COL7A1: variants seen among roughly 807,000 people sequenced by gnomAD.
The protein encoded by COL7A1 is collagen alpha-1(VII) chain.
COL7A1 carries 296 observed loss-of-function variants against 456.2 expected under a neutral mutation model. The observed-to-expected ratio is 0.65, with a 90% CI of 0.59 to 0.71. COL7A1 has a LOEUF of 0.71. Among genes scored for constraint, COL7A1 ranks in the 30% least tolerant of loss-of-function variants. The probability of loss-of-function intolerance (pLI) is 0.00; values close to 1 mark genes in which losing one functional copy is unlikely to be tolerated. For synonymous variants in COL7A1, 1,464 were observed against 1,525.9 expected (o/e 0.96, Z 0.95); for missense variants, 3,441 against 4,017.2 (o/e 0.86, Z 3.88).
Position 48,576,557 on chromosome 3 carries a change from C to G in COL7A1, c.5701G>C (p.Gly1901Arg), listed in dbSNP as rs762189891. 3 of 1,609,258 alleles carry G rather than the reference C, an allele frequency of 1.9e-6. No individual in the cohort carries two copies. Among genetic ancestry groups the G allele is most frequent in the Non-Finnish European group, 2.5e-6 (3 of 1,178,288 alleles). Residue 1901 changes from glycine (G) to arginine (R), a missense_variant and splice_region_variant, in exon 69 of 119, where the codon GGT (glycine) becomes CGT (arginine). By Grantham distance (125) the Gly-to-Arg change is moderately radical. This residue lies in a region of COL7A1 where 2,084 missense variants were observed against 2,501.3 expected (regional missense o/e 0.83). Transcript: ENST00000681320. ...GTGCCTCCTGGGACACCAGGAAAAC[C>G]CTGAGATACGGCAGAACACAAAGGG... The part of the protein sequence containing the change: ...LPGPVGPPGQ[G>R]FPGVPGGTGP...
rs2044747234 is a variant in COL7A1, at chr3:48,581,396, A to T, written c.4818+52T>A. 10 of 1,613,798 alleles carry T rather than the reference A, an allele frequency of 6.2e-6. No individual in the cohort carries two copies. The Admixed American group carries it at 1.7e-4, about 27-fold the overall frequency. Reference sequence around the variant, plus strand: ...GGACGCTCGAAGCAAGCAGTTCTCAAGGGGAGGGGACCCCAGAAGCCTTGA... The same window carrying T: ...GGACGCTCGAAGCAAGCAGTTCTCATGGGGAGGGGACCCCAGAAGCCTTGA... On this transcript the variant is annotated intron_variant, in intron 51 of 118. Transcript: ENST00000681320. This position sits in a 1 kb window ranked among gnomAD's most constrained non-coding sequence, Gnocchi z 5.8.
Position 48,579,159 on chromosome 3 carries a change from G to A in COL7A1, c.5388+38C>T. The A allele has an allele frequency of 6.2e-7, 1 of 1,608,380 alleles. No homozygotes were observed. The highest frequency in any genetic ancestry group is 8.5e-7 in the Non-Finnish European group (1 of 1,176,832). On this transcript the variant is annotated intron_variant, in intron 62 of 118. Transcript: ENST00000681320. The surrounding 1 kb of genome is among the most constrained non-coding windows in gnomAD (Gnocchi z 4.4). ...TCTAGGGTCCTCATGTGAAGGGGTA[G>A]GGGAAGGGGACAACCAGGCAGGACT...
chr3:48,575,719 G>C lies in COL7A1; in HGVS notation c.5886C>G (p.Thr1962=), dbSNP rs1311094195. The C allele has an allele frequency of 6.2e-7, 1 of 1,613,786 alleles. No individual in the cohort carries two copies. Among genetic ancestry groups the C allele is most frequent in the African/African-American group, 1.3e-5 (1 of 74,928 alleles). The change falls in exon 73 of 119, where the codon ACC becomes ACG. Residue 1962 remains threonine, a synonymous_variant. Coordinates refer to ENST00000681320, the MANE Select transcript of COL7A1 (RefSeq NM_000094.4). This position sits in a 1 kb window ranked among gnomAD's most constrained non-coding sequence, Gnocchi z 6.3. ...GGAAGCTACCAGAGCTCTCATCCCA[G>C]GTCTCCACGATCTCCCGCAGGGCAG... The part of the protein sequence containing the change: ...KASALREIVE[T]WDESSGSFLP...
rs2043885397 is a variant in COL7A1, at chr3:48,571,056, G to A, written c.7164+45C>T. The A allele has an allele frequency of 6.2e-7, 1 of 1,612,086 alleles. No homozygotes were observed. The highest frequency in any genetic ancestry group is 8.5e-7 in the Non-Finnish European group (1 of 1,178,508). On this transcript the variant is annotated intron_variant, in intron 94 of 118. Transcript: ENST00000681320. This position sits in a 1 kb window ranked among gnomAD's most constrained non-coding sequence, Gnocchi z 4.6. The stretch of plus-strand genomic sequence containing the variant: ...AGAACTCCCTCTTCCTCCTGTGGGG[G>A]CCCGGCCTGCTGCCCCTACAACTGG...
rs2045520160 is a variant in COL7A1 at position 48,589,265 on chromosome 3, A to C, written c.2314+62T>G. Reference sequence around the variant, plus strand: ...GGGTGGAGGCAGCTGGGCAATCAGGAACACACAGCAGGGCAGGGTAGCTAA... The same window carrying C: ...GGGTGGAGGCAGCTGGGCAATCAGGCACACACAGCAGGGCAGGGTAGCTAA... On this transcript the variant is annotated intron_variant, in intron 18 of 118. Transcript: ENST00000681320. The C allele has an allele frequency of 1.2e-5, 19 of 1,608,362 alleles. No individual in the cohort carries two copies. In the South Asian group the frequency reaches 2.1e-4, roughly 18 times the overall value.
rs369157723 is a variant in COL7A1 at position 48,583,514 on chromosome 3, G to A, written c.4401+42C>T. On this transcript the variant is annotated intron_variant, in intron 41 of 118. Coordinates refer to ENST00000681320, the MANE Select transcript of COL7A1 (RefSeq NM_000094.4). The surrounding 1 kb of genome is among the most constrained non-coding windows in gnomAD (Gnocchi z 5.1). ...GTTGATGATTGAGGTAGGGGCTGGA[G>A]CTGTGCCCACCATATTCAGAATCCC... is the stretch of plus-strand genomic sequence containing the variant. The A allele has an allele frequency of 3.7e-6, 6 of 1,613,490 alleles. No individual in the cohort carries two copies. In the African/African-American group the frequency reaches 8.0e-5, roughly 22 times the overall value.
rs955349314 is a variant in COL7A1, at chr3:48,594,298, C to T, written c.266+70G>A. On this transcript the variant is annotated intron_variant, in intron 3 of 118. Transcript: ENST00000681320. The surrounding 1 kb of genome is among the most constrained non-coding windows in gnomAD (Gnocchi z 5.5). ...AGACCTGGCCTGGGGTTTCCAGGGT[C>T]TCCTCCCTCTCTGGGGAAGGAGTCT... 31 of 1,572,664 alleles carry T rather than the reference C, an allele frequency of 2.0e-5. No homozygotes were observed. The Admixed American group carries it at 5.2e-4, about 26-fold the overall frequency.
At position 48,581,554 on chromosome 3, in the gene COL7A1, C is replaced by T; in HGVS notation, c.4782+19G>A. 6.2e-7 allele frequency: 1 copy of T among 1,614,182 alleles called. No individual in the cohort carries two copies. The highest frequency in any genetic ancestry group is 8.5e-7 in the Non-Finnish European group (1 of 1,180,016). On this transcript the variant is annotated intron_variant, in intron 50 of 118. Transcript: ENST00000681320. This position sits in a 1 kb window ranked among gnomAD's most constrained non-coding sequence, Gnocchi z 5.8. ...CCTCATCTCCCTCTGTCACACTCCC[C>T]ATTCCCACATTGATTCACCCGGTCT...
Position 48,578,455 on chromosome 3 carries a change from G to C in COL7A1, c.5485C>G (p.Pro1829Ala). ...LPGPSGPPGL[P>A]GKPGEDGKPG... Reference sequence around the variant, plus strand: ...GTAACATGAAAGTCTGGTCTCACCGGTAATCCAGGGGGACCAGAGGGGCCA... The same window carrying C: ...GTAACATGAAAGTCTGGTCTCACCGCTAATCCAGGGGGACCAGAGGGGCCA... Residue 1829 changes from proline (P) to alanine (A), a missense_variant and splice_region_variant, in exon 64 of 119, where the codon CCG becomes GCG. Around this residue, in one of 3 missense-constraint regions of COL7A1, gnomAD observed 2,084 missense variants for 2,501.3 expected, o/e 0.83. Transcript: ENST00000681320. This position sits in a 1 kb window ranked among gnomAD's most constrained non-coding sequence, Gnocchi z 4.7. 6.2e-7 allele frequency: 1 copy of C among 1,613,248 alleles called. No individual in the cohort carries two copies. The highest frequency in any genetic ancestry group is 8.5e-7 in the Non-Finnish European group (1 of 1,180,028).
Position 48,573,700 on chromosome 3 carries a change from G to C in COL7A1, c.6563C>G (p.Pro2188Arg). 6.2e-7 allele frequency: 1 copy of C among 1,613,162 alleles called. No homozygotes were observed. Residue 2188 changes from proline (P) to arginine (R), a missense_variant, in exon 82 of 119, where the codon CCT (proline) becomes CGT (arginine). This residue lies in a region of COL7A1 where 2,084 missense variants were observed against 2,501.3 expected (regional missense o/e 0.83). Coordinates refer to ENST00000681320, the MANE Select transcript of COL7A1 (RefSeq NM_000094.4). This position sits in a 1 kb window ranked among gnomAD's most constrained non-coding sequence, Gnocchi z 5.5. Reference sequence around the variant, plus strand: ...TCCCTGGTCACTCACCGGGGCACCAGGTGGTCCAGGGTCTCCATGACCACC... The same window carrying C: ...TCCCTGGTCACTCACCGGGGCACCACGTGGTCCAGGGTCTCCATGACCACC... Reference protein sequence around the residue: ...PVGGHGDPGPPGAPGLAGPAG... With the variant: ...PVGGHGDPGPRGAPGLAGPAG...
Position 48,566,766 on chromosome 3 carries a change from G to C in COL7A1, c.8227-29C>G. 1 of 1,612,778 alleles carries C rather than the reference G, an allele frequency of 6.2e-7. No homozygotes were observed. The highest frequency in any genetic ancestry group is 1.3e-5 in the African/African-American group (1 of 75,022). The stretch of plus-strand genomic sequence containing the variant: ...TCAGACACAGGGACCAAGTGAGCAG[G>C]GTCAGAGGCAGTGGGGATCAGAGTC... On this transcript the variant is annotated intron_variant, in intron 111 of 118. Coordinates refer to ENST00000681320, the MANE Select transcript of COL7A1 (RefSeq NM_000094.4). The surrounding 1 kb of genome is among the most constrained non-coding windows in gnomAD (Gnocchi z 5.9).
Position 48,565,739 on chromosome 3 carries a change from G to A in COL7A1, c.8408-71C>T, listed in dbSNP as rs1239059806. The A allele has an allele frequency of 5.6e-6, 8 of 1,439,758 alleles. No homozygotes were observed. Among genetic ancestry groups the A allele is most frequent in the Non-Finnish European group, 7.7e-6 (8 of 1,041,150 alleles). The allele number at this position is 1,439,758 out of a possible 1,614,324, so 89.2% of individuals were successfully genotyped here. A position where few individuals can be genotyped will look rare whatever the true frequency, so the allele number is the denominator to read the frequency against. On this transcript the variant is annotated intron_variant, in intron 114 of 118. Coordinates refer to ENST00000681320, the MANE Select transcript of COL7A1 (RefSeq NM_000094.4). The surrounding 1 kb of genome is among the most constrained non-coding windows in gnomAD (Gnocchi z 4.5). ...ATGGGAAGATGGAGAGACAGACAGA[G>A]ACACACAGGCAGAGGGGTAGAGATA... is the stretch of plus-strand genomic sequence containing the variant.
chr3:48,584,840 C>A (rs1023327821), intron 34 of COL7A1, 70 bp downstream of exon 34: 1 of 1,613,642 alleles, frequency 6.2e-7, no homozygotes, highest in Non-Finnish European at 8.5e-7. Flanking sequence ...TGCACCACCA[C>A]CCCAGGCTCC....
In COL7A1 at chr3:48,570,684, T is replaced by C; in HGVS notation, c.7299A>G (p.Glu2433=). 6.3e-7 allele frequency: 1 copy of C among 1,586,668 alleles called. No homozygotes were observed. Among genetic ancestry groups the C allele is most frequent in the Non-Finnish European group, 8.6e-7 (1 of 1,165,414 alleles). ...GTGGCCCCAGGGGTCCTGGGATTCCTTCTCTCCCTGGGGGGCCTGCCAGAC... is the reference window on the plus strand; with the variant it reads ...GTGGCCCCAGGGGTCCTGGGATTCCCTCTCTCCCTGGGGGGCCTGCCAGAC... ...ERGLAGPPGR[E]GIPGPLGPPG... Residue 2433 remains glutamate (E), a synonymous_variant, in exon 96 of 119, where the codon GAA becomes GAG. Coordinates refer to ENST00000681320, the MANE Select transcript of COL7A1 (RefSeq NM_000094.4). The surrounding 1 kb of genome is among the most constrained non-coding windows in gnomAD (Gnocchi z 5.5).
chr3:48,582,852 C>A (rs569167169), intron 44 of COL7A1, among the ~76,000 whole-genome samples, 161 bp downstream of exon 44: 2 of 152,190 alleles, frequency 1.3e-5, no homozygotes, highest in South Asian at 4.2e-4. Flanking sequence ...AGGTTCAAAG[C>A]CAGGTCCCTG....
Position 48,586,766 on chromosome 3 carries a change from A to T in COL7A1, c.3277-77T>A. The T allele has an allele frequency of 6.5e-7, 1 of 1,537,634 alleles. No individual in the cohort carries two copies. The highest frequency in any genetic ancestry group is 8.8e-7 in the Non-Finnish European group (1 of 1,136,794). On this transcript the variant is annotated intron_variant, in intron 25 of 118. Coordinates refer to ENST00000681320, the MANE Select transcript of COL7A1 (RefSeq NM_000094.4). The surrounding 1 kb of genome is among the most constrained non-coding windows in gnomAD (Gnocchi z 5.1). ...GGGTGCACAGAGCCTGGAGAAACAC[A>T]TCAGGGTGTGTGTGACCAAACCCTA...
At position 48,587,077 on chromosome 3, in the gene COL7A1, G is replaced by C; in HGVS notation, c.3171C>G (p.Phe1057Leu). Residue 1057 changes from phenylalanine (F) to leucine (L), a missense_variant, in exon 25 of 119, where the codon TTC becomes TTG. Coordinates refer to ENST00000681320, the MANE Select transcript of COL7A1 (RefSeq NM_000094.4). The surrounding 1 kb of genome is among the most constrained non-coding windows in gnomAD (Gnocchi z 6.1). ...CATTGTCTTGAGTGGCATGTGGTAG[G>C]AACACCACATCCGCCAGGCCACGGG... ...VCPRGLADVV[F>L]LPHATQDNAH... The C allele has an allele frequency of 6.2e-7, 1 of 1,611,706 alleles. No individual in the cohort carries two copies. Among genetic ancestry groups the C allele is most frequent in the Non-Finnish European group, 8.5e-7 (1 of 1,179,036 alleles).
Position 48,583,689 on chromosome 3 carries a change from C to G in COL7A1, c.4341+29G>C. 6.2e-7 allele frequency: 1 copy of G among 1,614,008 alleles called. No individual in the cohort carries two copies. Among genetic ancestry groups the G allele is most frequent in the South Asian group, 1.1e-5 (1 of 91,084 alleles). On this transcript the variant is annotated intron_variant, in intron 40 of 118. Coordinates refer to ENST00000681320, the MANE Select transcript of COL7A1 (RefSeq NM_000094.4). The surrounding 1 kb of genome is among the most constrained non-coding windows in gnomAD (Gnocchi z 5.1). Reference sequence around the variant, plus strand: ...CAGCACGCAGCCTCCCACCCCAGAACTGGGACATCATCAAGTCAGCCTTCC... The same window carrying G: ...CAGCACGCAGCCTCCCACCCCAGAAGTGGGACATCATCAAGTCAGCCTTCC...
chr3:48,584,019 C>G lies in COL7A1; in HGVS notation c.4224+16G>C, dbSNP rs769745203. The stretch of plus-strand genomic sequence containing the variant: ...AGACTCCAAGCCACCCCTAGCACAA[C>G]CTGTCCCTCACTTACCCGCTCCCCA... On this transcript the variant is annotated intron_variant, in intron 38 of 118. Coordinates refer to ENST00000681320, the MANE Select transcript of COL7A1 (RefSeq NM_000094.4). 2 of 1,614,096 alleles carry G rather than the reference C, an allele frequency of 1.2e-6. No homozygotes were observed. Among genetic ancestry groups the G allele is most frequent in the Non-Finnish European group, 1.7e-6 (2 of 1,180,014 alleles).
Sources: gnomAD v4.1 joint callset for allele counts (sites outside exome capture counted in the v4.1 genomes callset) on GRCh38, gnomAD v4.1.1 for gene constraint, gnomAD v4.1.1 regional missense constraint, Gnocchi (gnomAD v3.1) non-coding constraint, MANE v1.5 for transcripts, NCBI Gene and HGNC (gene_info 2026-07-23, HGNC 2026-07-21) for gene names.